ISL1: variants seen among roughly 807,000 people sequenced by gnomAD.
ISL1 encodes insulin gene enhancer protein ISL-1.
In ISL1, 4 loss-of-function variants were observed where a neutral mutation model predicts 35.3. The observed-to-expected ratio is 0.11, with a 90% CI of 0.06 to 0.26. The LOEUF (loss-of-function observed/expected upper bound fraction) is 0.26, where lower values mean the gene tolerates loss of function less well. Among genes scored for constraint, ISL1 ranks in the 10% least tolerant of loss-of-function variants. The pLI, the probability that ISL1 is intolerant of heterozygous loss-of-function variation, is 1.00. For synonymous variants in ISL1, 186 were observed against 172.3 expected (o/e 1.08, Z -0.62); for missense variants, 340 against 472.8 (o/e 0.72, Z 2.60).
chr5:51,385,104 G>T (rs1384404062), intron 2 of ISL1, among the ~76,000 whole-genome samples: 2 of 152,174 alleles, frequency 1.3e-5, no homozygotes, highest in African/African-American at 4.8e-5. Flanking sequence ...GTTGTATAGT[G>T]CAGTGTTCTG....
chr5:51,389,791 G>A lies in ISL1; in HGVS notation c.624G>A (p.Ala208=), dbSNP rs749429268. 6.2e-7 allele frequency: 1 copy of A among 1,614,206 alleles called. No homozygotes were observed. The highest frequency in any genetic ancestry group is 8.5e-7 in the Non-Finnish European group (1 of 1,180,038). The change falls in exon 4 of 6, where the codon GCG becomes GCA. Residue 208 remains alanine, a synonymous_variant. Transcript: ENST00000230658. This position sits in a 1 kb window ranked among gnomAD's most constrained non-coding sequence, Gnocchi z 5.0. ...TCYAANPRPD[A]LMKEQLVEMT... ...ACGCCGCAAACCCGCGGCCAGATGC[G>A]CTCATGAAGGAGCAACTGGTAGAGA...
rs1354605278 is a variant in ISL1 at position 51,393,909 on chromosome 5, A to G, written c.*299A>G. Reference sequence around the variant, plus strand: ...CGTTTTTAAAACGTAGAGGATTTATATTCAAGGATCTCAAAGAAAGCATTT... The same window carrying G: ...CGTTTTTAAAACGTAGAGGATTTATGTTCAAGGATCTCAAAGAAAGCATTT... On this transcript the variant is annotated 3_prime_UTR_variant, in exon 6 of 6. Transcript: ENST00000230658. 2 of 400,730 alleles carry G rather than the reference A, an allele frequency of 5.0e-6. No homozygotes were observed. The highest frequency in any genetic ancestry group is 2.0e-5 in the African/African-American group (1 of 49,094). The allele number at this position is 400,730 out of a possible 1,614,324, so 24.8% of individuals were successfully genotyped here.
At chr5:51,386,634 A>G (rs1411920181) in intron 2 of ISL1, 1 of 456,200 alleles carries the variant, frequency 2.2e-6, no homozygotes, top group East Asian at 6.9e-5. Context: ...TTGGTAAGGA[A>G]AGGCCAGGAG....
At chr5:51,388,962 C>G (rs1212237153) in intron 3 of ISL1, among the ~76,000 whole-genome samples, 1 of 152,110 alleles carries the variant, frequency 6.6e-6, no homozygotes, top group Admixed American at 6.5e-5. Flanking sequence ...CAGGAACATC[C>G]ATGTATTACC....
In ISL1 at chr5:51,389,823, G is replaced by T; in HGVS notation, c.656G>T (p.Gly219Val). ...AAGGAGCAACTGGTAGAGATGACGG[G>T]CCTCAGTCCCCGTGTGATCCGGGTC... ...LMKEQLVEMT[G>V]LSPRVIRVWF... The change falls in exon 4 of 6, where the codon GGC becomes GTC. Residue 219 changes from glycine to valine, a missense_variant. Physicochemically the swap from Gly to Val is moderately radical, Grantham distance 109. This residue lies in a region of ISL1 where 24 missense variants were observed against 59.7 expected (regional missense o/e 0.40). Transcript: ENST00000230658. This position sits in a 1 kb window ranked among gnomAD's most constrained non-coding sequence, Gnocchi z 5.0. The T allele has an allele frequency of 6.2e-7, 1 of 1,614,226 alleles. No individual in the cohort carries two copies. Among genetic ancestry groups the T allele is most frequent in the Non-Finnish European group, 8.5e-7 (1 of 1,180,038 alleles).
Position 51,383,611 on chromosome 5 carries a change from TG to T in ISL1, c.-58del. ...AGCCACAGCTCCAGCATCCTCTCTGTGGGCTGTTCACCAACTGTACAACCAC... is the reference window on the plus strand; with the variant it reads ...AGCCACAGCTCCAGCATCCTCTCTGTGGCTGTTCACCAACTGTACAACCAC... On this transcript the variant is annotated 5_prime_UTR_variant, in exon 1 of 6. Coordinates refer to ENST00000230658, the MANE Select transcript of ISL1 (RefSeq NM_002202.3). 7.4e-7 allele frequency: 1 copy of T among 1,354,412 alleles called. No homozygotes were observed. The highest frequency in any genetic ancestry group is 1.1e-6 in the Non-Finnish European group (1 of 942,838). 83.9% of individuals were successfully genotyped at this position (1,354,412 alleles called of 1,614,324 possible).
At position 51,387,979 on chromosome 5, in the gene ISL1, A is replaced by G. The variant is rs993446985; in HGVS notation, c.478+230A>G. On this transcript the variant is annotated intron_variant, in intron 3 of 5. Transcript: ENST00000230658. This position sits in a 1 kb window ranked among gnomAD's most constrained non-coding sequence, Gnocchi z 4.3. ...ACCTACACCGTCTGTGTGTCTCTAT[A>G]TGGTTACACATAAATGTACACCACT... Among the ~76,000 whole-genome samples, 1 of 152,256 alleles carries G rather than the reference A, an allele frequency of 6.6e-6. No homozygotes were observed. The highest frequency in any genetic ancestry group is 2.4e-5 in the African/African-American group (1 of 41,476).
chr5:51,390,756 G>C (rs896432726), intron 4 of ISL1, among the ~76,000 whole-genome samples: 6 of 143,310 alleles, frequency 4.2e-5, no homozygotes, highest in African/African-American at 1.6e-4. Flanking sequence ...GATTGGGCCA[G>C]GGCACTTTCT....
At chr5:51,385,329 T>C (rs903990596) in intron 2 of ISL1, among the ~76,000 whole-genome samples, 2 of 152,224 alleles carry the variant, frequency 1.3e-5, no homozygotes, top group African/African-American at 4.8e-5. Flanking sequence ...GGAAACTTAA[T>C]CTTTTTAAAT....
chr5:51,385,069 T>G (rs1167950199), intron 2 of ISL1, among the ~76,000 whole-genome samples: 1 of 152,234 alleles, frequency 6.6e-6, no homozygotes, highest in African/African-American at 2.4e-5. Flanking sequence ...TTTGGATTTT[T>G]AGCTTTAAAA....
chr5:51,391,522 G>GT lies in ISL1; in HGVS notation c.933+82dup, dbSNP rs1342550589. The GT allele has an allele frequency of 1.5e-5, 22 of 1,512,332 alleles. 1 individual carries two copies. The highest frequency in any genetic ancestry group is 3.4e-5 in the Admixed American group (2 of 59,260). The allele number at this position is 1,512,332 out of a possible 1,614,324, so 93.7% of individuals were successfully genotyped here. A position where few individuals can be genotyped will look rare whatever the true frequency, so the allele number is the denominator to read the frequency against. On this transcript the variant is annotated intron_variant, in intron 5 of 5. Coordinates refer to ENST00000230658, the MANE Select transcript of ISL1 (RefSeq NM_002202.3). ...TAACTGTCACACATTGAAAGATTCA[G>GT]TGGGGAGGGTGCCTTCTTGGGCTCA...
At chr5:51,385,325 T>G (rs1747317953) in intron 2 of ISL1, among the ~76,000 whole-genome samples, 1 of 152,202 alleles carries the variant, frequency 6.6e-6, no homozygotes, top group Admixed American at 6.5e-5. Flanking sequence ...CACCGGAAAC[T>G]TAATCTTTTT....
intron 4 of ISL1, among the ~76,000 whole-genome samples, chr5:51,390,658 T>TTTTTTTTTTTTTC (rs1747489363): frequency 7.9e-6 from 1 of 125,840 alleles, no homozygotes; most frequent in Non-Finnish European, 1.7e-5. Context: ...TTTTTTTTTT[T>TTTTTTTTTTTTTC]TTTTTTTTTT....
chr5:51,387,637 T>G lies in ISL1; in HGVS notation c.366T>G (p.Leu122=), dbSNP rs1195421531. ...TCATCCCTGGGGACGAATTTGCGCT[T>G]CGGGAGGACGGTCTCTTCTGCCGAG... ...RQLIPGDEFA[L]REDGLFCRAD... Residue 122 remains leucine, a synonymous_variant, in exon 3 of 6, where the codon CTT becomes CTG. Transcript: ENST00000230658. The surrounding 1 kb of genome is among the most constrained non-coding windows in gnomAD (Gnocchi z 4.3). The G allele has an allele frequency of 1.2e-6, 2 of 1,614,224 alleles. No homozygotes were observed. Among genetic ancestry groups the G allele is most frequent in the Non-Finnish European group, 1.7e-6 (2 of 1,180,046 alleles).
At chr5:51,386,691 C>T in intron 2 of ISL1, 2 of 447,242 alleles carry the variant, frequency 4.5e-6, no homozygotes, top group Non-Finnish European at 8.9e-6. Context: ...TCATTCTGGT[C>T]ATGGTTTTCA....
intron 3 of ISL1, among the ~76,000 whole-genome samples, chr5:51,388,240 GA>G (rs1188234404): frequency 6.6e-6 from 1 of 152,080 alleles, no homozygotes; most frequent in South Asian, 2.1e-4. Context: ...CTTCACACTC[GA>G]AATTTTTTTT....
chr5:51,392,611 G>A (rs1471572789), intron 5 of ISL1, among the ~76,000 whole-genome samples: 2 of 151,960 alleles, frequency 1.3e-5, no homozygotes, highest in African/African-American at 4.8e-5. Context: ...GTAGGCTCTA[G>A]AACTAGGAAA....
chr5:51,391,400 G>T lies in ISL1; in HGVS notation c.892G>T (p.Ala298Ser), dbSNP rs765046643. 56 of 1,614,156 alleles carry T rather than the reference G, an allele frequency of 3.5e-5. No individual in the cohort carries two copies. Among genetic ancestry groups the T allele is most frequent in the Non-Finnish European group, 4.4e-5 (52 of 1,180,040 alleles). Residue 298 changes from alanine (A) to serine (S), a missense_variant, in exon 5 of 6, where the codon GCC becomes TCC. Physicochemically the swap from Ala to Ser is moderately conservative, Grantham distance 99 (BLOSUM62 1). This residue lies in a region of ISL1 where 104 missense variants were observed against 97.3 expected (regional missense o/e 1.07). Coordinates refer to ENST00000230658, the MANE Select transcript of ISL1 (RefSeq NM_002202.3). ...ACCTTGGAAAGTACTGAGCGACTTC[G>T]CCTTGCAGAGTGACATAGATCAGCC... is the stretch of plus-strand genomic sequence containing the variant. ...QPPWKVLSDF[A>S]LQSDIDQPAF... is the part of the protein sequence containing the mutation.
At chr5:51,386,664 G>A (rs760368430) in intron 2 of ISL1, 17 of 453,896 alleles carry the variant, frequency 3.7e-5, no homozygotes, top group Non-Finnish European at 7.5e-5. Flanking sequence ...CCTTAGAAGC[G>A]GGTCTTTGCA....
Sources: allele counts gnomAD v4.1 joint callset (sites outside exome capture counted in the v4.1 genomes callset), GRCh38; gene constraint gnomAD v4.1.1; regional missense constraint gnomAD v4.1.1; non-coding constraint Gnocchi (gnomAD v3.1); transcripts MANE v1.5; gene names NCBI Gene and HGNC (gene_info 2026-07-23, HGNC 2026-07-21).